The following GALNT13 variants were observed in gnomAD, a reference collection of about 807,000 sequenced individuals.
The protein encoded by GALNT13 is UDP-GalNAc:polypeptide N-acetylgalactosaminyltransferase 13.
Under a neutral mutation model 64.2 loss-of-function variants are expected in GALNT13, and 28 were observed. The ratio of observed to expected loss-of-function variants is 0.44; its 90% CI spans 0.32 to 0.60. The LOEUF is 0.60. Ranked by LOEUF, GALNT13 falls within the 20% of genes least tolerant of loss-of-function variation. The pLI is 0.05. For missense variants in GALNT13, 577 were observed against 669.8 expected (o/e 0.86, Z 1.53); for synonymous variants, 214 against 224.6 (o/e 0.95, Z 0.42).
chr2:153,427,329 C>T, the GALNT13 span, among the ~76,000 whole-genome samples: 3 of 151,942 alleles, frequency 2.0e-5, no homozygotes, highest in Admixed American at 1.3e-4. Flanking sequence ...AGATAAGAGG[C>T]CACACAATGG....
the GALNT13 span, among the ~76,000 whole-genome samples, chr2:153,523,044 T>A: frequency 7.9e-5 from 3 of 38,068 alleles, no homozygotes; most frequent in Non-Finnish European, 1.2e-4. Context: ...GTGTTTACTA[T>A]TTTTTTTTTT....
the GALNT13 span, among the ~76,000 whole-genome samples, chr2:153,761,030 A>G: frequency 1.3e-5 from 2 of 152,152 alleles, no homozygotes; most frequent in African/African-American, 2.4e-5. Context: ...TACTTTAAGT[A>G]TAGCTAACCT....
chr2:153,668,807 G>A, the GALNT13 span, among the ~76,000 whole-genome samples: 82 of 152,220 alleles, frequency 5.4e-4, no homozygotes, highest in South Asian at 3.9e-3. Flanking sequence ...CTTACAGAAC[G>A]GATAAGGAAA....
chr2:153,562,074 G>C, the GALNT13 span, among the ~76,000 whole-genome samples: 284 of 68,926 alleles, frequency 4.1e-3, 2 homozygotes, highest in East Asian at 0.026. Context: ...GTGTGTGTGT[G>C]TGTGTGTGTG....
At chr2:153,504,794 T>C in the GALNT13 span, among the ~76,000 whole-genome samples, 5 of 152,220 alleles carry the variant, frequency 3.3e-5, no homozygotes, top group Admixed American at 6.5e-5. Flanking sequence ...TCGTATTTTG[T>C]TGAGGATTTT....
chr2:153,246,827 A>T, the GALNT13 span, among the ~76,000 whole-genome samples: 2 of 152,168 alleles, frequency 1.3e-5, no homozygotes, highest in Admixed American at 6.5e-5. Context: ...TGGGCTAAAT[A>T]CCTCAATTAA....
At chr2:153,371,328 C>A in the GALNT13 span, among the ~76,000 whole-genome samples, 1 of 151,836 alleles carries the variant, frequency 6.6e-6, no homozygotes, top group African/African-American at 2.4e-5. Flanking sequence ...TCCTATAAAT[C>A]CAATATAATA....
the GALNT13 span, among the ~76,000 whole-genome samples, chr2:153,465,128 G>A: frequency 4.6e-5 from 7 of 152,146 alleles, no homozygotes; most frequent in African/African-American, 1.7e-4. Context: ...GTCTCCACAT[G>A]TCTGTGTCTA....
the GALNT13 span, among the ~76,000 whole-genome samples, chr2:153,723,951 C>G: frequency 6.0e-5 from 9 of 150,682 alleles, 1 homozygote; most frequent in African/African-American, 2.0e-4. Flanking sequence ...TTGAAAAAAA[C>G]TACTTTAAAG....
the GALNT13 span, among the ~76,000 whole-genome samples, chr2:153,683,979 G>C: frequency 6.6e-6 from 1 of 151,412 alleles, no homozygotes. Flanking sequence ...TCAGCAACTG[G>C]AAGTCAGCAT....
At chr2:153,741,893 G>A in the GALNT13 span, among the ~76,000 whole-genome samples, 2 of 152,150 alleles carry the variant, frequency 1.3e-5, no homozygotes, top group African/African-American at 2.4e-5. Flanking sequence ...GGTACAAAGT[G>A]ATGTTATGAT....
At chr2:153,360,803 A>G in the GALNT13 span, among the ~76,000 whole-genome samples, 1 of 152,166 alleles carries the variant, frequency 6.6e-6, no homozygotes, top group Non-Finnish European at 1.5e-5. Flanking sequence ...TCTAGTTCTG[A>G]GGAATCTGGG....
At chr2:153,589,801 A>C in the GALNT13 span, among the ~76,000 whole-genome samples, 1 of 152,184 alleles carries the variant, frequency 6.6e-6, no homozygotes, top group Non-Finnish European at 1.5e-5. Flanking sequence ...ATTTGCCCCC[A>C]TGATTCATTT....
the GALNT13 span, among the ~76,000 whole-genome samples, chr2:153,582,078 T>C: frequency 4.6e-5 from 7 of 152,150 alleles, no homozygotes; most frequent in South Asian, 2.1e-4. Context: ...CCTTCTGTTA[T>C]ATGTCTATTT....
chr2:153,468,754 T>G, the GALNT13 span, among the ~76,000 whole-genome samples: 1 of 152,070 alleles, frequency 6.6e-6, no homozygotes, highest in Admixed American at 6.6e-5. Context: ...ATCTTAAATA[T>G]TTACTTTTTA....
chr2:153,973,058 A>G (rs1693844644), intron 3 of GALNT13, among the ~76,000 whole-genome samples: 1 of 152,036 alleles, frequency 6.6e-6, no homozygotes, highest in South Asian at 2.1e-4. Context: ...CAATTTATTA[A>G]TTGGTAAAAT....
the GALNT13 span, among the ~76,000 whole-genome samples, chr2:153,250,683 A>G: frequency 6.6e-6 from 1 of 152,230 alleles, no homozygotes; most frequent in Admixed American, 6.5e-5. Flanking sequence ...CATATACACC[A>G]TGAAATATTA....
chr2:154,108,727 T>C (rs1312586110), intron 3 of GALNT13, among the ~76,000 whole-genome samples: 2 of 152,126 alleles, frequency 1.3e-5, no homozygotes, highest in East Asian at 3.9e-4. Flanking sequence ...TCTGGTCTTA[T>C]GTTTAAATCT....
At chr2:153,899,285 T>C (rs1251357257) in intron 1 of GALNT13, among the ~76,000 whole-genome samples, 2 of 152,154 alleles carry the variant, frequency 1.3e-5, no homozygotes, top group Non-Finnish European at 2.9e-5. Flanking sequence ...CTGTGTCAGA[T>C]TGAGCAAGTG....
Sources: allele counts gnomAD v4.1 joint callset (sites outside exome capture counted in the v4.1 genomes callset), GRCh38; gene constraint gnomAD v4.1.1; transcripts MANE v1.5; gene names NCBI Gene and HGNC (gene_info 2026-07-23, HGNC 2026-07-21).